ANKRD13D: variants seen among roughly 807,000 people sequenced by gnomAD.
ANKRD13D encodes the protein ankyrin repeat domain-containing protein 13D.
A neutral mutation model predicts 68.8 loss-of-function variants in ANKRD13D; 24 were observed. That is an observed-to-expected ratio of 0.35 (90% CI 0.25 to 0.49). The LOEUF (loss-of-function observed/expected upper bound fraction) is 0.49. ANKRD13D is among the 20% of genes least tolerant of loss of function. The pLI is 0.99. For synonymous variants in ANKRD13D, 331 were observed against 336.1 expected, an observed-to-expected ratio of 0.98 and a Z score of 0.16; for missense variants, 735 against 832.1, an observed-to-expected ratio of 0.88 and a Z score of 1.44.
At position 67,290,304 on chromosome 11, in the gene ANKRD13D, G is replaced by A; in HGVS notation, c.227-18G>A. The stretch of plus-strand genomic sequence containing the variant: ...GGGGTCATCTGGAGGGCTCCCCTCA[G>A]CAGCCTGGTGCCCGCAGTCCTGCAG... On this transcript the variant is annotated intron_variant, in intron 2 of 14. Transcript: ENST00000511455. 1.3e-6 allele frequency: 2 copies of A among 1,548,506 alleles called. No homozygotes were observed. Among genetic ancestry groups the A allele is most frequent in the Non-Finnish European group, 1.7e-6 (2 of 1,145,662 alleles).
Position 67,301,464 on chromosome 11 carries a change from G to A in ANKRD13D, c.1349-24G>A, listed in dbSNP as rs374965500. The A allele has an allele frequency of 1.1e-4, 170 of 1,610,272 alleles. No homozygotes were observed. The highest frequency in any genetic ancestry group is 1.7e-4 in the Admixed American group (10 of 59,826). ...GGTCACCAAGCCCCGCGGGTTGAGC[G>A]TGGCCCCTCTGCCACCTGCCTAGGG... On this transcript the variant is annotated intron_variant, in intron 12 of 14. Coordinates refer to ENST00000511455, the MANE Select transcript of ANKRD13D (RefSeq NM_207354.3). The surrounding 1 kb of genome is among the most constrained non-coding windows in gnomAD (Gnocchi z 4.5).
intron 6 of ANKRD13D, 62 bp from the exon 7 acceptor site, chr11:67,298,996 G>C: frequency 6.3e-7 from 1 of 1,583,084 alleles, no homozygotes; most frequent in South Asian, 1.1e-5. Context: ...GCTTTGGAAA[G>C]GAAGGCTTTG....
intron 6 of ANKRD13D, among the ~76,000 whole-genome samples, chr11:67,293,554 T>G (rs926760578): frequency 6.6e-6 from 1 of 152,160 alleles, no homozygotes; most frequent in Non-Finnish European, 1.5e-5. Context: ...CAGGATGGAG[T>G]GCAGTGACAT....
Position 67,299,061 on chromosome 11 carries a change from C to T in ANKRD13D, c.735C>T (p.Asn245=), listed in dbSNP as rs112095274. The T allele has an allele frequency of 5.3e-4, 846 of 1,606,610 alleles. 6 individuals carry two copies. The highest frequency in any genetic ancestry group is 1.0e-4 in the Non-Finnish European group (121 of 1,175,768). The stretch of plus-strand genomic sequence containing the variant: ...GCTCCTGTTTGGTCTGTTTCAGGAA[C>T]AAATGTGGTATCTGGGGCTGGCGGT... ...LDTRNVAFER[N]KCGIWGWRSE... Residue 245 remains asparagine (N), a synonymous_variant, in exon 7 of 15, where the codon AAC becomes AAT. Coordinates refer to ENST00000511455, the MANE Select transcript of ANKRD13D (RefSeq NM_207354.3). This position sits in a 1 kb window ranked among gnomAD's most constrained non-coding sequence, Gnocchi z 6.2.
chr11:67,299,969 G>A lies in ANKRD13D; in HGVS notation c.943-24G>A, dbSNP rs765757097. 3.7e-6 allele frequency: 6 copies of A among 1,601,044 alleles called. No homozygotes were observed. Among genetic ancestry groups the A allele is most frequent in the Non-Finnish European group, 5.1e-6 (6 of 1,171,690 alleles). On this transcript the variant is annotated intron_variant, in intron 9 of 14. Coordinates refer to ENST00000511455, the MANE Select transcript of ANKRD13D (RefSeq NM_207354.3). This position sits in a 1 kb window ranked among gnomAD's most constrained non-coding sequence, Gnocchi z 6.2. Reference sequence around the variant, plus strand: ...GGCACCCTCTGTCACCTTGATGGCTGAGTCCGCCCTGGGACCCACGCAGGC... The same window carrying A: ...GGCACCCTCTGTCACCTTGATGGCTAAGTCCGCCCTGGGACCCACGCAGGC...
At position 67,300,818 on chromosome 11, in the gene ANKRD13D, C is replaced by T. The variant is rs1163315322; in HGVS notation, c.1074-172C>T. On this transcript the variant is annotated intron_variant, in intron 10 of 14. Coordinates refer to ENST00000511455, the MANE Select transcript of ANKRD13D (RefSeq NM_207354.3). This position sits in a 1 kb window ranked among gnomAD's most constrained non-coding sequence, Gnocchi z 4.3. Reference sequence around the variant, plus strand: ...CCAGGGAGGAGGGCAGCTTGGGCCACGTGGCCAGGACACCAGCTCCCGGGG... The same window carrying T: ...CCAGGGAGGAGGGCAGCTTGGGCCATGTGGCCAGGACACCAGCTCCCGGGG... The T allele has an allele frequency of 1.1e-5, 9 of 782,762 alleles. No homozygotes were observed. Among genetic ancestry groups the T allele is most frequent in the East Asian group, 8.3e-5 (3 of 36,188 alleles). The allele number at this position is 782,762 out of a possible 1,614,324, so 48.5% of individuals were successfully genotyped here.
chr11:67,301,862 C>T lies in ANKRD13D; in HGVS notation c.1604+39C>T, dbSNP rs1300981526. 6.5e-7 allele frequency: 1 copy of T among 1,548,800 alleles called. No homozygotes were observed. Among genetic ancestry groups the T allele is most frequent in the Non-Finnish European group, 8.7e-7 (1 of 1,145,570 alleles). ...GGGGCTGGCTGGGTCCCTGTCCCCC[C>T]AGCCCTGGCTTGGCGGGGAGGGGGA... On this transcript the variant is annotated intron_variant, in intron 14 of 14. Coordinates refer to ENST00000511455, the MANE Select transcript of ANKRD13D (RefSeq NM_207354.3). The surrounding 1 kb of genome is among the most constrained non-coding windows in gnomAD (Gnocchi z 4.5).
Position 67,301,672 on chromosome 11 carries a change from GGGCTCT to G in ANKRD13D, c.1512+25_1512+30del, listed in dbSNP as rs1054515542. Reference sequence around the variant, plus strand: ...AGCAGGTGGGACTTGCCCAGGGGGTGGGCTCTGGCCTCTGCAGCCACACGGCAGAAG... The same window carrying G: ...AGCAGGTGGGACTTGCCCAGGGGGTGGGCCTCTGCAGCCACACGGCAGAAG... On this transcript the variant is annotated intron_variant, in intron 13 of 14. Coordinates refer to ENST00000511455, the MANE Select transcript of ANKRD13D (RefSeq NM_207354.3). The surrounding 1 kb of genome is among the most constrained non-coding windows in gnomAD (Gnocchi z 4.5). 2 of 1,611,006 alleles carry G rather than the reference GGGCTCT, an allele frequency of 1.2e-6. No individual in the cohort carries two copies. The highest frequency in any genetic ancestry group is 2.7e-5 in the African/African-American group (2 of 74,954).
chr11:67,290,765 G>A (rs1461873779), intron 3 of ANKRD13D: 4 of 297,140 alleles, frequency 1.3e-5, no homozygotes, highest in Non-Finnish European at 2.6e-5. Context: ...TTGCTACTAC[G>A]CACCCTTCTG....
At position 67,292,046 on chromosome 11, in the gene ANKRD13D, G is replaced by A. The variant is rs770793899; in HGVS notation, c.597G>A (p.Glu199=). The A allele has an allele frequency of 3.6e-5, 57 of 1,602,818 alleles. No homozygotes were observed. In the South Asian group the frequency reaches 5.5e-4, roughly 15 times the overall value. The change falls in exon 6 of 15, where the codon GAG becomes GAA. Residue 199 remains glutamate (E), a synonymous_variant. Coordinates refer to ENST00000511455, the MANE Select transcript of ANKRD13D (RefSeq NM_207354.3). ...VDHDRQVVHV[E]TLGLTLQEPE... is the part of the protein sequence containing the mutation. ...ATGACCGGCAGGTGGTGCATGTGGA[G>A]ACACTGGGGCTCACTCTGCAGGAGC...
intron 6 of ANKRD13D, among the ~76,000 whole-genome samples, chr11:67,296,879 C>G (rs1046009588): frequency 6.6e-6 from 1 of 152,130 alleles, no homozygotes; most frequent in African/African-American, 2.4e-5. Context: ...GCCTTGGCCT[C>G]CCAAAGCACT....
intron 3 of ANKRD13D, chr11:67,291,185 CGTCTCTACAAAAA>C: frequency 2.6e-6 from 1 of 381,322 alleles, no homozygotes; most frequent in Non-Finnish European, 4.8e-6. Flanking sequence ...TGGTGAAAGC[CGTCTCTACAAAAA>C]GTACAAAAAT....
In ANKRD13D at chr11:67,289,513, G is replaced by A; in HGVS notation, c.53G>A (p.Arg18Gln). 2.0e-6 allele frequency: 3 copies of A among 1,520,710 alleles called. No homozygotes were observed. The highest frequency in any genetic ancestry group is 2.6e-6 in the Non-Finnish European group (3 of 1,141,404). The allele number at this position is 1,520,710 out of a possible 1,614,324, so 94.2% of individuals were successfully genotyped here. A position where few individuals can be genotyped will look rare whatever the true frequency, so the allele number is the denominator to read the frequency against. ...FPLHRLVWAN[R>Q]HRELEAALHS... The stretch of plus-strand genomic sequence containing the variant: ...CTGCACCGGCTCGTCTGGGCGAACC[G>A]GCATCGCGAACTGGAGGCCGCACTG... Residue 18 changes from arginine to glutamine, a missense_variant, in exon 1 of 15, where the codon CGG becomes CAG. By Grantham distance (43) the Arg-to-Gln change is conservative. Transcript: ENST00000511455.
rs1004405644 is a variant in ANKRD13D, at chr11:67,300,852, C to G, written c.1074-138C>G. The G allele has an allele frequency of 3.7e-6, 4 of 1,084,506 alleles. No homozygotes were observed. The highest frequency in any genetic ancestry group is 3.9e-6 in the Non-Finnish European group (3 of 776,184). The allele number at this position is 1,084,506 out of a possible 1,614,324, so 67.2% of individuals were successfully genotyped here. ...GACACCAGCTCCCGGGGGAGGCGGG[C>G]AGCGGCATCTGAGCAGAGCAGGGCA... On this transcript the variant is annotated intron_variant, in intron 10 of 14. Coordinates refer to ENST00000511455, the MANE Select transcript of ANKRD13D (RefSeq NM_207354.3). The surrounding 1 kb of genome is among the most constrained non-coding windows in gnomAD (Gnocchi z 4.3).
Position 67,300,145 on chromosome 11 carries a change from G to A in ANKRD13D, c.1073+22G>A, listed in dbSNP as rs776281622. ...AGAGGTGAGGTCTGAGAGCTGGCTG[G>A]GGACTTGCCTCGGGACAAGGGCTCT... is the stretch of plus-strand genomic sequence containing the variant. On this transcript the variant is annotated intron_variant, in intron 10 of 14. Coordinates refer to ENST00000511455, the MANE Select transcript of ANKRD13D (RefSeq NM_207354.3). The surrounding 1 kb of genome is among the most constrained non-coding windows in gnomAD (Gnocchi z 4.3). The A allele has an allele frequency of 5.8e-5, 93 of 1,613,132 alleles. No homozygotes were observed. In the South Asian group the frequency reaches 7.1e-4, roughly 12 times the overall value.
Position 67,292,065 on chromosome 11 carries a change from C to G in ANKRD13D, c.616C>G (p.Gln206Glu). 1.2e-6 allele frequency: 2 copies of G among 1,610,728 alleles called. No individual in the cohort carries two copies. Among genetic ancestry groups the G allele is most frequent in the Non-Finnish European group, 1.7e-6 (2 of 1,177,824 alleles). Residue 206 changes from glutamine (Q) to glutamate (E), a missense_variant, in exon 6 of 15, where the codon CAG becomes GAG. By Grantham distance (29) the Gln-to-Glu change is conservative (BLOSUM62 2). Coordinates refer to ENST00000511455, the MANE Select transcript of ANKRD13D (RefSeq NM_207354.3). ...TGTGGAGACACTGGGGCTCACTCTG[C>G]AGGAGCCCGAAACACTGCTGGCCGC... is the stretch of plus-strand genomic sequence containing the variant. ...VHVETLGLTLQEPETLLAAMR... is the reference protein window; with the variant it reads ...VHVETLGLTLEEPETLLAAMR...
intron 6 of ANKRD13D, among the ~76,000 whole-genome samples, 171 bp downstream of exon 6, chr11:67,292,351 G>A (rs79226049): frequency 0.011 from 1,686 of 152,298 alleles, 14 homozygotes; most frequent in Middle Eastern, 0.02. Context: ...TCAGACTGCC[G>A]GGGTGGTTGG....
At chr11:67,294,785 C>T (rs1041211992) in intron 6 of ANKRD13D, among the ~76,000 whole-genome samples, 19 of 152,120 alleles carry the variant, frequency 1.2e-4, no homozygotes, top group Admixed American at 2.0e-4. Flanking sequence ...GCTGGGATTA[C>T]AGGTGTGAGC....
At position 67,301,570 on chromosome 11, in the gene ANKRD13D, G is replaced by A; in HGVS notation, c.1431G>A (p.Glu477=). The A allele has an allele frequency of 6.2e-7, 1 of 1,612,980 alleles. No individual in the cohort carries two copies. The highest frequency in any genetic ancestry group is 1.1e-5 in the South Asian group (1 of 91,086). The part of the protein sequence containing the change: ...GYSVLGMERN[E]PLRDEDDDLL... ...GCGTGCTGGGCATGGAGCGCAACGA[G>A]CCCCTCCGGGACGAGGACGATGACC... Residue 477 remains glutamate (E), a synonymous_variant, in exon 13 of 15, where the codon GAG becomes GAA. Transcript: ENST00000511455. The surrounding 1 kb of genome is among the most constrained non-coding windows in gnomAD (Gnocchi z 4.5).
Sources: allele counts gnomAD v4.1 joint callset (sites outside exome capture counted in the v4.1 genomes callset), GRCh38; gene constraint gnomAD v4.1.1; non-coding constraint Gnocchi (gnomAD v3.1); transcripts MANE v1.5; gene names NCBI Gene and HGNC (gene_info 2026-07-23, HGNC 2026-07-21).